Variants in CDYL2 observed in about 807,000 individuals in gnomAD.
CDYL2 encodes chromodomain Y-like protein 2.
A neutral mutation model predicts 49.4 loss-of-function variants in CDYL2; 23 were observed. The ratio of observed to expected loss-of-function variants is 0.47; its 90% CI spans 0.34 to 0.66. The LOEUF is 0.66. CDYL2 is among the 30% of genes least tolerant of loss of function. CDYL2 has a pLI of 0.01. For synonymous variants in CDYL2, 360 were observed against 268.8 expected, an observed-to-expected ratio of 1.34 and a Z score of -3.32; for missense variants, 678 against 656.4, an observed-to-expected ratio of 1.03 and a Z score of -0.36.
chr16:80,666,362 G>A (rs1222770476), intron 2 of CDYL2, among the ~76,000 whole-genome samples: 1 of 152,138 alleles, frequency 6.6e-6, no homozygotes, highest in Middle Eastern at 3.2e-3. Context: ...TACCATCAAG[G>A]CAGGTCATAA....
intron 3 of CDYL2, chr16:80,627,682 T>G (rs1467045434): frequency 1.5e-4 from 23 of 152,346 alleles, no homozygotes. Context: ...GTTTCCTTCT[T>G]AAACAGAATA....
intron 2 of CDYL2, among the ~76,000 whole-genome samples, chr16:80,678,861 C>T (rs1358271471): frequency 2.0e-5 from 3 of 151,054 alleles, no homozygotes; most frequent in Non-Finnish European, 4.4e-5. Flanking sequence ...TGGAACCAGC[C>T]CAAATGTCCA....
At chr16:80,632,890 T>C (rs1907629856) in intron 3 of CDYL2, 129 bp downstream of exon 3, 1 of 835,236 alleles carries the variant, frequency 1.2e-6, no homozygotes, top group African/African-American at 1.7e-5. Context: ...CGCGCTGCAG[T>C]CAAGTTTTTA....
chr16:80,687,817 G>GA (rs1910259193), intron 1 of CDYL2, among the ~76,000 whole-genome samples: 1 of 152,146 alleles, frequency 6.6e-6, no homozygotes, highest in African/African-American at 2.4e-5. Context: ...GAAGTATAGC[G>GA]CCTATCTCTT....
At chr16:80,764,926 G>T (rs945930128) in intron 1 of CDYL2, among the ~76,000 whole-genome samples, 9 of 151,230 alleles carry the variant, frequency 6.0e-5, no homozygotes, top group African/African-American at 2.2e-4. Flanking sequence ...CGGGTGCAGT[G>T]GTTGGCGCCT....
intron 1 of CDYL2, among the ~76,000 whole-genome samples, chr16:80,721,929 C>T (rs962314954): frequency 2.0e-5 from 3 of 152,184 alleles, no homozygotes; most frequent in Admixed American, 6.5e-5. Context: ...GGCACAGCGA[C>T]GAAGAGGTCC....
Position 80,684,588 on chromosome 16 carries a change from T to G in CDYL2, c.566A>C (p.Asp189Ala). The change falls in exon 2 of 7, where the codon GAT becomes GCT. Residue 189 changes from aspartate to alanine, a missense_variant. Asp to Ala is a moderately radical substitution (Grantham distance 126). Around this residue, in one of 3 missense-constraint regions of CDYL2, gnomAD observed 478 missense variants for 427.0 expected, o/e 1.12. Transcript: ENST00000570137. ...GTGATTCACGTCACATTCACCCATATCTTGCTCTCCAACATGATCATTCAA... is the reference window on the plus strand; with the variant it reads ...GTGATTCACGTCACATTCACCCATAGCTTGCTCTCCAACATGATCATTCAA... Reference protein sequence around the residue: ...LDLNDHVGEQDMGECDVNHAT... With the variant: ...LDLNDHVGEQAMGECDVNHAT... 1 of 1,614,164 alleles carries G rather than the reference T, an allele frequency of 6.2e-7. No homozygotes were observed.
intron 2 of CDYL2, among the ~76,000 whole-genome samples, chr16:80,640,972 G>T (rs774368216): frequency 6.6e-6 from 1 of 152,222 alleles, no homozygotes; most frequent in Middle Eastern, 3.4e-3. Context: ...AGCCTCAAAA[G>T]GGCAAATCTA....
At chr16:80,627,164 C>A (rs1907341771) in intron 3 of CDYL2, among the ~76,000 whole-genome samples, 1 of 152,126 alleles carries the variant, frequency 6.6e-6, no homozygotes, top group Admixed American at 6.5e-5. Flanking sequence ...TGGGTATAAG[C>A]AACAGATATT....
intron 1 of CDYL2, among the ~76,000 whole-genome samples, chr16:80,725,030 G>A (rs1022729094): frequency 7.9e-5 from 12 of 152,142 alleles, no homozygotes; most frequent in Non-Finnish European, 1.8e-4. Context: ...CCACCTGCCT[G>A]CCCCACTCCT....
chr16:80,801,597 G>C (rs1027124704), intron 1 of CDYL2, among the ~76,000 whole-genome samples: 1 of 152,246 alleles, frequency 6.6e-6, no homozygotes, highest in African/African-American at 2.4e-5. Flanking sequence ...TTCTTGAGTA[G>C]AGATTGCGAG....
intron 1 of CDYL2, among the ~76,000 whole-genome samples, chr16:80,692,133 C>G (rs775669814): frequency 1.6e-4 from 25 of 152,176 alleles, no homozygotes; most frequent in Non-Finnish European, 2.9e-4. Flanking sequence ...AAACGCTAAT[C>G]AAGTCATAAT....
intron 4 of CDYL2, among the ~76,000 whole-genome samples, chr16:80,619,089 T>A (rs1026696478): frequency 2.0e-5 from 3 of 152,132 alleles, no homozygotes; most frequent in Non-Finnish European, 4.4e-5. Flanking sequence ...TGCTGGCCAT[T>A]CTTGGAGTTC....
At chr16:80,682,977 G>T (rs928902901) in intron 2 of CDYL2, among the ~76,000 whole-genome samples, 1 of 152,198 alleles carries the variant, frequency 6.6e-6, no homozygotes, top group African/African-American at 2.4e-5. Flanking sequence ...TCTCTCTGGA[G>T]AAAGAGGAGC....
intron 1 of CDYL2, among the ~76,000 whole-genome samples, chr16:80,706,051 A>C (rs767563096): frequency 1.8e-4 from 27 of 152,228 alleles, no homozygotes; most frequent in Non-Finnish European, 3.7e-4. Context: ...TTCTCATGGA[A>C]CTTAGCATCC....
chr16:80,684,076 C>T (rs1910076001), intron 2 of CDYL2, among the ~76,000 whole-genome samples: 1 of 152,186 alleles, frequency 6.6e-6, no homozygotes, highest in Non-Finnish European at 1.5e-5. Context: ...GAGAAGACGG[C>T]ACGGACCCCA....
chr16:80,746,115 T>C (rs1164087994), intron 1 of CDYL2, among the ~76,000 whole-genome samples: 1 of 152,090 alleles, frequency 6.6e-6, no homozygotes, highest in African/African-American at 2.4e-5. Flanking sequence ...GAGACCTTCC[T>C]TCTCCCCTGG....
intron 1 of CDYL2, among the ~76,000 whole-genome samples, chr16:80,760,620 C>T (rs370094425): frequency 3.3e-5 from 5 of 151,818 alleles, no homozygotes; most frequent in East Asian, 3.9e-4. Flanking sequence ...CCTACTATGT[C>T]GCCACAAAAA....
rs1481892465 is a variant in CDYL2 at position 80,608,063 on chromosome 16, A to T, written c.1362+29T>A. 1.9e-6 allele frequency: 3 copies of T among 1,541,192 alleles called. No homozygotes were observed. In the South Asian group the frequency reaches 3.6e-5, roughly 19 times the overall value. ...TGTGTAAAATGGGTCTATCAAAAGGACAAGCACGCAGGAGGCGCAGGAACT... is the reference window on the plus strand; with the variant it reads ...TGTGTAAAATGGGTCTATCAAAAGGTCAAGCACGCAGGAGGCGCAGGAACT... On this transcript the variant is annotated intron_variant, in intron 6 of 6. Coordinates refer to ENST00000570137, the MANE Select transcript of CDYL2 (RefSeq NM_152342.4).
Sources: gnomAD v4.1 joint callset for allele counts (sites outside exome capture counted in the v4.1 genomes callset) on GRCh38, gnomAD v4.1.1 for gene constraint, gnomAD v4.1.1 regional missense constraint, MANE v1.5 for transcripts, NCBI Gene and HGNC (gene_info 2026-07-23, HGNC 2026-07-21) for gene names.